The following LEPR variants were observed in gnomAD, a reference collection of about 807,000 sequenced individuals.
LEPR encodes leptin receptor.
A neutral mutation model predicts 114.7 loss-of-function variants in LEPR; 56 were observed. That is an observed-to-expected ratio of 0.49 (90% CI 0.39 to 0.61). The LOEUF is 0.61. LEPR is among the 20% of genes least tolerant of loss of function. LEPR has a pLI of 0.00. For synonymous variants in LEPR, 443 were observed against 461.4 expected (o/e 0.96, Z 0.51); for missense variants, 1,202 against 1,352.9 (o/e 0.89, Z 1.75).
chr1:65,587,326 A>T (rs761136916), intron 5 of LEPR, among the ~76,000 whole-genome samples: 1 of 152,064 alleles, frequency 6.6e-6, no homozygotes, highest in Non-Finnish European at 1.5e-5. Flanking sequence ...TTTGAAAAAC[A>T]CCTAAAAGGT....
At chr1:65,467,538 C>G (rs1163181870) in intron 2 of LEPR, among the ~76,000 whole-genome samples, 1 of 152,162 alleles carries the variant, frequency 6.6e-6, no homozygotes, top group African/African-American at 2.4e-5. Flanking sequence ...AGCTTGAACA[C>G]AATGCTGACA....
chr1:65,623,494 A>C (rs141049872), intron 19 of LEPR: 201 of 152,410 alleles, frequency 1.3e-3, no homozygotes, highest in Non-Finnish European at 2.0e-3. Flanking sequence ...TATGAGAGTT[A>C]GTCAACTATA....
At chr1:65,586,526 C>T (rs6676419) in intron 5 of LEPR, among the ~76,000 whole-genome samples, 76,971 of 151,514 alleles carry the variant, frequency 0.51, 20,234 homozygotes, top group East Asian at 0.89. Context: ...TCTGTGCTTG[C>T]AGAAAAACAA....
At chr1:65,608,634 G>C in intron 11 of LEPR, 119 bp from the exon 12 acceptor site, 1 of 1,147,552 alleles carries the variant, frequency 8.7e-7, no homozygotes, top group Non-Finnish European at 1.2e-6. Flanking sequence ...TAATGAGTGA[G>C]AAAGTTATGA....
intron 2 of LEPR, among the ~76,000 whole-genome samples, chr1:65,439,380 A>G (rs189784852): frequency 6.6e-6 from 1 of 152,338 alleles, no homozygotes; most frequent in East Asian, 1.9e-4. Context: ...TAGACCCAAA[A>G]ATATATGGTC....
chr1:65,609,328 T>G (rs1029432489), intron 12 of LEPR, among the ~76,000 whole-genome samples: 3 of 152,240 alleles, frequency 2.0e-5, no homozygotes, highest in Admixed American at 6.5e-5. Flanking sequence ...CTAACATCTG[T>G]TGATATCTTT....
At chr1:65,433,074 C>T (rs1557587145) in intron 2 of LEPR, 1 of 985,228 alleles carries the variant, frequency 1.0e-6, no homozygotes, top group African/African-American at 1.7e-5. Context: ...GGGCTCGAGC[C>T]AGCCCCTGCG....
intron 5 of LEPR, chr1:65,578,340 A>C (rs1380212606): frequency 4.5e-6 from 1 of 221,260 alleles, no homozygotes; most frequent in Non-Finnish European, 9.7e-6. Context: ...AGATGTAAAA[A>C]TGTACCCATA....
chr1:65,456,795 G>T (rs1273882323), intron 2 of LEPR, among the ~76,000 whole-genome samples: 1 of 152,130 alleles, frequency 6.6e-6, no homozygotes, highest in African/African-American at 2.4e-5. Flanking sequence ...TTAGACCACT[G>T]ACATGCAAAG....
At chr1:65,462,526 C>A (rs1345381682) in intron 2 of LEPR, among the ~76,000 whole-genome samples, 2 of 152,064 alleles carry the variant, frequency 1.3e-5, no homozygotes, top group Non-Finnish European at 2.9e-5. Flanking sequence ...GTAATGGGAC[C>A]ACTGGGTCAA....
chr1:65,604,586 G>A (rs1240199711), intron 10 of LEPR, among the ~76,000 whole-genome samples: 1 of 152,174 alleles, frequency 6.6e-6, no homozygotes, highest in Admixed American at 6.5e-5. Context: ...CAAAGTGCTG[G>A]GATTACAGGC....
intron 2 of LEPR, among the ~76,000 whole-genome samples, chr1:65,479,971 C>T (rs902901708): frequency 2.0e-5 from 3 of 152,132 alleles, no homozygotes; most frequent in Non-Finnish European, 2.9e-5. Flanking sequence ...GTGGAAGGAA[C>T]GTGAAACGTG....
At chr1:65,553,781 G>A (rs1238031733) in intron 2 of LEPR, among the ~76,000 whole-genome samples, 1 of 151,976 alleles carries the variant, frequency 6.6e-6, no homozygotes, top group Non-Finnish European at 1.5e-5. Flanking sequence ...AATGAGAAGC[G>A]GCATTCTGGT....
intron 2 of LEPR, among the ~76,000 whole-genome samples, chr1:65,552,153 G>A (rs1344983259): frequency 1.2e-4 from 19 of 152,258 alleles, no homozygotes; most frequent in Admixed American, 4.6e-4. Context: ...GAATAAGCGC[G>A]ATGTGGTGCT....
chr1:65,511,429 TACACACACACACACACACAC>T (rs5774756), intron 2 of LEPR, among the ~76,000 whole-genome samples: 17 of 147,708 alleles, frequency 1.2e-4, no homozygotes, highest in Admixed American at 4.7e-4. Context: ...TATATATGTA[TACACACACACACACACACAC>T]ACACACACAC....
intron 2 of LEPR, among the ~76,000 whole-genome samples, chr1:65,542,921 C>T (rs1184881253): frequency 2.0e-5 from 3 of 151,824 alleles, no homozygotes; most frequent in African/African-American, 7.3e-5. Context: ...CTGCAATAAA[C>T]ATGTGTGCAT....
intron 2 of LEPR, among the ~76,000 whole-genome samples, chr1:65,451,752 G>T (rs1437429288): frequency 6.6e-6 from 1 of 151,762 alleles, no homozygotes; most frequent in African/African-American, 2.4e-5. Flanking sequence ...GATTGACTTG[G>T]TGATGCGGGC....
At position 65,601,642 on chromosome 1, in the gene LEPR, A is replaced by G; in HGVS notation, c.1245A>G (p.Glu415=). ...ATGATGCAGTGTACTGCTGCAATGA[A>G]CATGAATGCCATCATCGCTATGCTG... ...FTYDAVYCCN[E]HECHHRYAEL... Residue 415 remains glutamate (E), a synonymous_variant, in exon 9 of 20, where the codon GAA becomes GAG. Transcript: ENST00000349533. The G allele has an allele frequency of 6.2e-7, 1 of 1,613,710 alleles. No homozygotes were observed. Among genetic ancestry groups the G allele is most frequent in the South Asian group, 1.1e-5 (1 of 91,064 alleles).
intron 19 of LEPR, among the ~76,000 whole-genome samples, chr1:65,628,129 T>C (rs1169840436): frequency 6.6e-6 from 1 of 152,178 alleles, no homozygotes; most frequent in East Asian, 1.9e-4. Context: ...AAAACCACTA[T>C]ATGCCAGACA....
Sources: gnomAD v4.1 joint callset for allele counts (sites outside exome capture counted in the v4.1 genomes callset) on GRCh38, gnomAD v4.1.1 for gene constraint, MANE v1.5 for transcripts, NCBI Gene and HGNC (gene_info 2026-07-23, HGNC 2026-07-21) for gene names.